Variants in GRID2 observed in about 807,000 individuals in gnomAD.
GRID2 encodes the protein glutamate ionotropic receptor delta type subunit 2, also known as glutamate receptor ionotropic, delta-2.
Under a neutral mutation model 114.8 loss-of-function variants are expected in GRID2, and 33 were observed. That is an observed-to-expected ratio of 0.29 (90% CI 0.22 to 0.38). The LOEUF (loss-of-function observed/expected upper bound fraction) is 0.38. Among genes scored for constraint, GRID2 ranks in the 10% least tolerant of loss-of-function variants. The pLI is 1.00. For missense variants in GRID2, 1,184 were observed against 1,257.7 expected (o/e 0.94, Z 0.89); for synonymous variants, 505 against 449.9 (o/e 1.12, Z -1.55).
At chr4:92,386,118 A>G (rs563408423) in intron 1 of GRID2, among the ~76,000 whole-genome samples, 151 of 151,698 alleles carry the variant, frequency 1.0e-3, no homozygotes, top group African/African-American at 3.3e-3. Context: ...AAACTCTACA[A>G]TGTAGTAACA....
chr4:93,227,314 G>A (rs1745602611), intron 7 of GRID2, among the ~76,000 whole-genome samples: 1 of 151,920 alleles, frequency 6.6e-6, no homozygotes, highest in African/African-American at 2.4e-5. Flanking sequence ...TACAGCCTCT[G>A]CCTCCCGGGT....
chr4:93,589,949 A>G (rs1487526120), intron 13 of GRID2, among the ~76,000 whole-genome samples: 2 of 150,796 alleles, frequency 1.3e-5, no homozygotes, highest in Non-Finnish European at 3.0e-5. Context: ...GATTCTGGAT[A>G]TTAGCCCTTT....
rs112757927 is a variant in GRID2 at position 93,530,428 on chromosome 4, A to G, written c.2193+15017A>G. On this transcript the variant is annotated intron_variant, in intron 13 of 15. Coordinates refer to ENST00000282020, the MANE Select transcript of GRID2 (RefSeq NM_001510.4). Reference sequence around the variant, plus strand: ...CTTTCACATGCCATACATTACTATCAAACCAAGTTGCTGGCTTTGTCTTAT... The same window carrying G: ...CTTTCACATGCCATACATTACTATCGAACCAAGTTGCTGGCTTTGTCTTAT... Among the ~76,000 whole-genome samples the G allele has an allele frequency of 2.3e-3, 344 of 152,238 alleles. 1 individual carries two copies. Among genetic ancestry groups the G allele is most frequent in the African/African-American group, 7.7e-3 (321 of 41,566 alleles).
intron 3 of GRID2, among the ~76,000 whole-genome samples, chr4:93,085,603 C>A (rs1215073462): frequency 1.3e-5 from 2 of 152,204 alleles, no homozygotes; most frequent in Non-Finnish European, 1.5e-5. Flanking sequence ...CACCGTCTTT[C>A]TTCCCTTTCA....
chr4:93,081,138 T>A (rs1408129571), intron 2 of GRID2, among the ~76,000 whole-genome samples: 3 of 152,046 alleles, frequency 2.0e-5, no homozygotes, highest in Non-Finnish European at 2.9e-5. Flanking sequence ...TATGATGTAA[T>A]GTGCTAAAGT....
At chr4:92,358,539 A>T (rs1728455456) in intron 1 of GRID2, among the ~76,000 whole-genome samples, 1 of 151,966 alleles carries the variant, frequency 6.6e-6, no homozygotes, top group East Asian at 1.9e-4. Flanking sequence ...GAAAGTTTAG[A>T]GATAACATTG....
rs1731802364 is a variant in GRID2, at chr4:92,649,153, T to C, written c.244+58867T>C. ...ACTTAACTACTATACTAACTATATA[T>C]GTATATAGTTATATATGAGGAAGAG... On this transcript the variant is annotated intron_variant, in intron 2 of 15. Transcript: ENST00000282020. 4.5e-5 allele frequency among the ~76,000 whole-genome samples: 4 copies of C among 88,526 alleles called. No homozygotes were observed. The South Asian group carries it at 1.4e-3, about 31-fold the overall frequency. 58.1% of individuals were successfully genotyped at this position (88,526 alleles called of 152,430 possible). A position where few individuals can be genotyped will look rare whatever the true frequency, so the allele number is the denominator to read the frequency against.
intron 2 of GRID2, among the ~76,000 whole-genome samples, chr4:92,715,905 T>G (rs28460491): frequency 0.27 from 41,804 of 152,064 alleles, 6,044 homozygotes; most frequent in East Asian, 0.43. Flanking sequence ...TTTACTGATA[T>G]GGAGTGGATA....
intron 8 of GRID2, among the ~76,000 whole-genome samples, chr4:93,304,543 C>A (rs1755217571): frequency 6.6e-6 from 1 of 151,944 alleles, no homozygotes; most frequent in African/African-American, 2.4e-5. Context: ...AACAATGTTG[C>A]TTTTGCAAAG....
intron 2 of GRID2, among the ~76,000 whole-genome samples, chr4:93,040,304 A>G (rs957165108): frequency 4.0e-4 from 61 of 151,960 alleles, no homozygotes; most frequent in African/African-American, 1.3e-3. Context: ...AAAAAGAAAG[A>G]AAACATCACT....
chr4:92,384,034 G>A (rs1579274250), intron 1 of GRID2, among the ~76,000 whole-genome samples: 1 of 151,828 alleles, frequency 6.6e-6, no homozygotes. Context: ...TTAAAAAACA[G>A]GAGAATAAGG....
intron 2 of GRID2, among the ~76,000 whole-genome samples, chr4:92,726,058 T>C (rs993386361): frequency 5.9e-5 from 9 of 152,136 alleles, no homozygotes; most frequent in Non-Finnish European, 1.0e-4. Flanking sequence ...AAGTTAAGTT[T>C]ATTGCTTGAA....
chr4:93,290,390 A>T (rs930063651), intron 8 of GRID2, among the ~76,000 whole-genome samples: 5 of 152,202 alleles, frequency 3.3e-5, no homozygotes, highest in Non-Finnish European at 5.9e-5. Flanking sequence ...AAAAAATTTT[A>T]AAAAATTAGA....
chr4:92,502,705 CTTTTTTTTTTTTTTTTT>C (rs70940901), intron 1 of GRID2, among the ~76,000 whole-genome samples: 1 of 63,944 alleles, frequency 1.6e-5, no homozygotes, highest in Non-Finnish European at 2.7e-5. Flanking sequence ...CATGTGATTT[CTTTTTTTTTTTTTTTTT>C]TTTTTTTTTT....
At chr4:93,417,436 A>G (rs928603414) in intron 9 of GRID2, among the ~76,000 whole-genome samples, 1 of 152,078 alleles carries the variant, frequency 6.6e-6, no homozygotes, top group Non-Finnish European at 1.5e-5. Context: ...TATAACATGT[A>G]TACAGAAAAA....
intron 2 of GRID2, chr4:92,702,713 G>A (rs981239085): frequency 2.0e-5 from 3 of 150,948 alleles, no homozygotes; most frequent in African/African-American, 7.3e-5. Context: ...ATTGTATAAT[G>A]GTATACAATA....
intron 8 of GRID2, among the ~76,000 whole-genome samples, chr4:93,355,494 G>T (rs1056972289): frequency 6.6e-6 from 1 of 152,064 alleles, no homozygotes; most frequent in Non-Finnish European, 1.5e-5. Flanking sequence ...TATCTCAAGA[G>T]CAAGTGTTCC....
At chr4:92,634,564 C>A (rs1328198529) in intron 2 of GRID2, among the ~76,000 whole-genome samples, 1 of 151,994 alleles carries the variant, frequency 6.6e-6, no homozygotes, top group African/African-American at 2.4e-5. Context: ...TACTAAGAGG[C>A]AAATTACTGA....
chr4:93,484,092 A>G (rs1416551613), intron 11 of GRID2, among the ~76,000 whole-genome samples: 1 of 151,784 alleles, frequency 6.6e-6, no homozygotes, highest in African/African-American at 2.4e-5. Context: ...CTCTCTCCTT[A>G]TTTTCTTCTT....
Sources: gnomAD v4.1 joint callset for allele counts (sites outside exome capture counted in the v4.1 genomes callset) on GRCh38, gnomAD v4.1.1 for gene constraint, MANE v1.5 for transcripts, NCBI Gene and HGNC (gene_info 2026-07-23, HGNC 2026-07-21) for gene names.